ZNF474: variants seen among roughly 807,000 people sequenced by gnomAD.
The protein encoded by ZNF474 is 4933409D10Rik.
For synonymous variants in ZNF474, 192 were observed against 162.2 expected, an observed-to-expected ratio of 1.18 and a Z score of -1.39; for missense variants, 511 against 433.8, an observed-to-expected ratio of 1.18 and a Z score of -1.58.
In ZNF474 at chr5:122,136,300, A is replaced by T. The variant is rs561449682; in HGVS notation, c.-213+6617A>T. The stretch of plus-strand genomic sequence containing the variant: ...ATGTATTCATAATAATTAAAAATTT[A>T]AAAAAGAAGATATCTGATTTCCAAG... On this transcript the variant is annotated intron_variant, in intron 1 of 1. Coordinates refer to ENST00000296600, the MANE Select transcript of ZNF474 (RefSeq NM_207317.3). Among the ~76,000 whole-genome samples the T allele has an allele frequency of 3.2e-4, 48 of 152,286 alleles. 1 individual carries two copies. The highest frequency in any genetic ancestry group is 1.7e-3 in the Admixed American group (26 of 15,286).
At chr5:122,135,087 C>T (rs1755669287) in intron 1 of ZNF474, among the ~76,000 whole-genome samples, 1 of 152,166 alleles carries the variant, frequency 6.6e-6, no homozygotes, top group African/African-American at 2.4e-5. Context: ...AAAATATTTG[C>T]AAACTACCCA....
chr5:122,141,784 T>C (rs1408192766), intron 1 of ZNF474, among the ~76,000 whole-genome samples: 1 of 152,176 alleles, frequency 6.6e-6, no homozygotes, highest in Non-Finnish European at 1.5e-5. Flanking sequence ...AGAGAATCTG[T>C]TTCCTTGGTC....
intron 1 of ZNF474, among the ~76,000 whole-genome samples, chr5:122,136,547 G>A (rs1485260173): frequency 6.6e-6 from 1 of 152,138 alleles, no homozygotes; most frequent in Non-Finnish European, 1.5e-5. Flanking sequence ...ATCTATTCTG[G>A]TTGCTCACTA....
intron 1 of ZNF474, among the ~76,000 whole-genome samples, chr5:122,132,712 T>C (rs1755606502): frequency 6.6e-6 from 1 of 152,176 alleles, no homozygotes; most frequent in Non-Finnish European, 1.5e-5. Context: ...GTGCATCCAG[T>C]TGTTCCACTC....
chr5:122,141,433 C>T (rs912275402), intron 1 of ZNF474, among the ~76,000 whole-genome samples: 2 of 150,550 alleles, frequency 1.3e-5, no homozygotes, highest in Non-Finnish European at 2.9e-5. Flanking sequence ...CTCAGTCTCC[C>T]AAGTAGCCGG....
At chr5:122,145,505 T>C (rs1421263926) in intron 1 of ZNF474, among the ~76,000 whole-genome samples, 1 of 152,184 alleles carries the variant, frequency 6.6e-6, no homozygotes, top group Non-Finnish European at 1.5e-5. Context: ...ATCACTTTGC[T>C]ATGGCTTCCT....
At chr5:122,151,702 TAAA>T (rs1189960734) in intron 1 of ZNF474, 74 bp from the exon 2 acceptor site, 1 of 237,124 alleles carries the variant, frequency 4.2e-6, no homozygotes, top group African/African-American at 2.7e-5. Context: ...CAAAACAACC[TAAA>T]TGTGTGTGTG....
In ZNF474 at chr5:122,152,721, T is replaced by C. The variant is rs751558584; in HGVS notation, c.731T>C (p.Leu244Pro). The stretch of plus-strand genomic sequence containing the variant: ...CTTCCTATTCATGAGCCCAAATGCC[T>C]GGAAAAGTGGAAAATGGAAAATGAC... Reference protein sequence around the residue: ...LSLPIHEPKCLEKWKMENDRL... With the variant: ...LSLPIHEPKCPEKWKMENDRL... The change falls in exon 2 of 2, where the codon CTG (leucine) becomes CCG (proline). Residue 244 changes from leucine (L) to proline (P), a missense_variant. Transcript: ENST00000296600. The C allele has an allele frequency of 6.2e-7, 1 of 1,614,064 alleles. No individual in the cohort carries two copies.
intron 1 of ZNF474, among the ~76,000 whole-genome samples, chr5:122,151,519 CT>C (rs1001739319): frequency 3.3e-5 from 5 of 152,088 alleles, no homozygotes; most frequent in Non-Finnish European, 7.4e-5. Flanking sequence ...GTCAAGTTAA[CT>C]TTTTGGGCAG....
intron 1 of ZNF474, among the ~76,000 whole-genome samples, chr5:122,146,715 G>A (rs1482150943): frequency 4.6e-5 from 7 of 152,110 alleles, no homozygotes. Flanking sequence ...GTCCAAGAAA[G>A]GCACTCCAGG....
intron 1 of ZNF474, among the ~76,000 whole-genome samples, chr5:122,149,438 A>G (rs916244646): frequency 6.6e-6 from 1 of 152,156 alleles, no homozygotes; most frequent in Non-Finnish European, 1.5e-5. Flanking sequence ...TTTCTTCTAA[A>G]AGGAAGCATA....
chr5:122,134,410 C>A (rs768934864), intron 1 of ZNF474, among the ~76,000 whole-genome samples: 3 of 152,134 alleles, frequency 2.0e-5, no homozygotes, highest in Non-Finnish European at 2.9e-5. Flanking sequence ...TGATTAATAA[C>A]TTGATGTCTT....
intron 1 of ZNF474, among the ~76,000 whole-genome samples, chr5:122,131,414 T>C (rs765859892): frequency 2.0e-5 from 3 of 152,114 alleles, no homozygotes; most frequent in Non-Finnish European, 2.9e-5. Flanking sequence ...ACAAATTATC[T>C]ATCAACAGAT....
intron 1 of ZNF474, among the ~76,000 whole-genome samples, chr5:122,148,661 G>T (rs1756056915): frequency 6.6e-6 from 1 of 152,094 alleles, no homozygotes; most frequent in African/African-American, 2.4e-5. Flanking sequence ...ATTAAGAAAA[G>T]AATCTGTACT....
At chr5:122,141,639 C>A (rs1755848690) in intron 1 of ZNF474, among the ~76,000 whole-genome samples, 1 of 151,594 alleles carries the variant, frequency 6.6e-6, no homozygotes, top group Non-Finnish European at 1.5e-5. Flanking sequence ...GAGGTTTCAC[C>A]ATGTTGGCCA....
At position 122,152,576 on chromosome 5, in the gene ZNF474, G is replaced by C. The variant is rs770699949; in HGVS notation, c.586G>C (p.Ala196Pro). The C allele has an allele frequency of 6.2e-7, 1 of 1,614,044 alleles. No homozygotes were observed. The highest frequency in any genetic ancestry group is 1.3e-5 in the African/African-American group (1 of 74,896). The change falls in exon 2 of 2, where the codon GCA becomes CCA. Residue 196 changes from alanine to proline, a missense_variant. Physicochemically the swap from Ala to Pro is conservative, Grantham distance 27 (BLOSUM62 -1). Coordinates refer to ENST00000296600, the MANE Select transcript of ZNF474 (RefSeq NM_207317.3). ...CAAGCCAAAGGGTGAGGGTCCCAGA[G>C]CACCACACTCAAACAGTTCTGATCA... ...SCKPKGEGPR[A>P]PHSNSSDHLT...
intron 1 of ZNF474, among the ~76,000 whole-genome samples, chr5:122,140,064 G>A (rs1561439020): frequency 6.6e-6 from 1 of 152,134 alleles, no homozygotes; most frequent in Non-Finnish European, 1.5e-5. Context: ...AGACCATCAC[G>A]GAAAACTCTC....
chr5:122,142,737 T>A (rs1214951090), intron 1 of ZNF474, among the ~76,000 whole-genome samples: 1 of 152,196 alleles, frequency 6.6e-6, no homozygotes, highest in East Asian at 1.9e-4. Flanking sequence ...TCAAATGGTA[T>A]GACAATCATA....
At chr5:122,136,979 G>A (rs971538622) in intron 1 of ZNF474, among the ~76,000 whole-genome samples, 7 of 152,250 alleles carry the variant, frequency 4.6e-5, no homozygotes, top group East Asian at 1.9e-4. Context: ...CTATTGTCTC[G>A]AAGTTCACAT....
Sources: allele counts gnomAD v4.1 joint callset (sites outside exome capture counted in the v4.1 genomes callset), GRCh38; gene constraint gnomAD v4.1.1; transcripts MANE v1.5; gene names NCBI Gene and HGNC (gene_info 2026-07-23, HGNC 2026-07-21).